IL1RAPL1: variants seen among roughly 807,000 people sequenced by gnomAD.
IL1RAPL1 encodes the protein interleukin 1 receptor accessory protein like 1.
In IL1RAPL1, 3 loss-of-function variants were observed where a neutral mutation model predicts 48.4. The observed-to-expected ratio is 0.06, with a 90% confidence interval of 0.03 to 0.16. The LOEUF is 0.16. Among genes scored for constraint, IL1RAPL1 ranks in the 10% least tolerant of loss-of-function variants. The pLI is 1.00. For synonymous variants in IL1RAPL1, 185 were observed against 187.7 expected (o/e 0.99, Z 0.12); for missense variants, 349 against 530.6 (o/e 0.66, Z 3.36).
At position 29,320,765 on chromosome X, in the gene IL1RAPL1, C is replaced by CA. The variant is rs1284334734; in HGVS notation, c.362+37558dup. Among the ~76,000 whole-genome samples, 34 of 96,511 alleles carry CA rather than the reference C, an allele frequency of 3.5e-4. No homozygotes were observed. The Middle Eastern group carries it at 0.028, about 81-fold the overall frequency. 83.8% of individuals were successfully genotyped at this position (96,511 alleles called of 115,157 possible). On this transcript the variant is annotated intron_variant, in intron 3 of 10. Coordinates refer to ENST00000378993, the MANE Select transcript of IL1RAPL1 (RefSeq NM_014271.4). The stretch of plus-strand genomic sequence containing the variant: ...TGGACAACAGAGTGAGACTCCATCT[C>CA]AAAAAAAAAAGGAATGAATATTATA...
At chrX:29,465,461 T>C (rs1472735421) in intron 5 of IL1RAPL1, among the ~76,000 whole-genome samples, 2 of 111,934 alleles carry the variant, frequency 1.8e-5, no homozygotes, top group Admixed American at 9.5e-5. Context: ...GCTATTCTTC[T>C]AATGCTTTTA....
At chrX:29,298,212 A>G (rs767028910) in intron 3 of IL1RAPL1, among the ~76,000 whole-genome samples, 1 of 112,079 alleles carries the variant, frequency 8.9e-6, no homozygotes, top group Admixed American at 9.5e-5. Context: ...ACCACAGTAG[A>G]ATTAAGCTAG....
intron 2 of IL1RAPL1, among the ~76,000 whole-genome samples, chrX:28,970,408 A>C (rs1490342296): frequency 2.7e-5 from 3 of 112,605 alleles, no homozygotes; most frequent in Admixed American, 1.9e-4. Context: ...CAAAGAACAG[A>C]TTCTTTATTT....
chrX:29,182,575 G>GTT (rs199891181), intron 2 of IL1RAPL1, among the ~76,000 whole-genome samples: 252 of 99,389 alleles, frequency 2.5e-3, no homozygotes, highest in East Asian at 0.02. Flanking sequence ...CATGTACTTA[G>GTT]TTTTTTTTTT....
chrX:29,158,055 A>G (rs1294315102), intron 2 of IL1RAPL1, among the ~76,000 whole-genome samples: 1 of 111,304 alleles, frequency 9.0e-6, no homozygotes, highest in East Asian at 2.8e-4. Flanking sequence ...CTTGATTTTA[A>G]TTTCTTACCT....
At chrX:29,075,783 T>A (rs1401335596) in intron 2 of IL1RAPL1, among the ~76,000 whole-genome samples, 4 of 111,358 alleles carry the variant, frequency 3.6e-5, no homozygotes, top group African/African-American at 9.8e-5. Context: ...GGAAAAAAAA[T>A]AAATATGCTT....
At chrX:29,893,417 G>C (rs1932311700) in intron 6 of IL1RAPL1, among the ~76,000 whole-genome samples, 1 of 111,047 alleles carries the variant, frequency 9.0e-6, no homozygotes, top group South Asian at 3.8e-4. Flanking sequence ...CTGGGGACCT[G>C]CTTTACTGAT....
chrX:29,015,828 C>A (rs926634323), intron 2 of IL1RAPL1, among the ~76,000 whole-genome samples: 2 of 110,337 alleles, frequency 1.8e-5, no homozygotes, highest in African/African-American at 6.5e-5. Context: ...ATTGAAATAA[C>A]AGGACATTCT....
chrX:29,941,507 T>G (rs908415462), intron 8 of IL1RAPL1, 144 bp from the exon 9 acceptor site: 4 of 593,825 alleles, frequency 6.7e-6, no homozygotes, highest in African/African-American at 2.2e-5. Context: ...AAGGTCAAAT[T>G]CTCATGCAAA....
At chrX:29,870,643 T>C (rs774970054) in intron 6 of IL1RAPL1, among the ~76,000 whole-genome samples, 1 of 111,906 alleles carries the variant, frequency 8.9e-6, no homozygotes, top group African/African-American at 3.2e-5. Context: ...TTGAGTACTC[T>C]GTCTCACTTG....
intron 2 of IL1RAPL1, among the ~76,000 whole-genome samples, chrX:28,896,468 C>G (rs1359885981): frequency 9.0e-6 from 1 of 111,040 alleles, no homozygotes; most frequent in Non-Finnish European, 1.9e-5. Flanking sequence ...TGGGAGAGGT[C>G]GGATAAAGAA....
intron 5 of IL1RAPL1, among the ~76,000 whole-genome samples, chrX:29,449,927 C>CAA (rs1163489149): frequency 0.014 from 1,316 of 95,777 alleles, 19 homozygotes; most frequent in African/African-American, 0.047. Flanking sequence ...AAAAATGGAC[C>CAA]AAAAAAAAAA....
intron 2 of IL1RAPL1, among the ~76,000 whole-genome samples, chrX:28,870,183 C>T (rs755993054): frequency 9.0e-6 from 1 of 111,158 alleles, no homozygotes; most frequent in Non-Finnish European, 1.9e-5. Context: ...AGTAGTGCTG[C>T]TATAAACATT....
At chrX:29,364,260 G>A (rs914826161) in intron 3 of IL1RAPL1, among the ~76,000 whole-genome samples, 5 of 111,012 alleles carry the variant, frequency 4.5e-5, no homozygotes, top group African/African-American at 1.3e-4. Context: ...AGTCAACCAC[G>A]GATTGAAAAT....
intron 5 of IL1RAPL1, among the ~76,000 whole-genome samples, chrX:29,555,819 A>T (rs1009855353): frequency 8.9e-6 from 1 of 112,154 alleles, no homozygotes; most frequent in African/African-American, 3.2e-5. Flanking sequence ...TCCCTTAAAG[A>T]AAAGTTTTTA....
Position 29,583,895 on chromosome X carries a change from C to T in IL1RAPL1, c.704-84535C>T, listed in dbSNP as rs146358885. On this transcript the variant is annotated intron_variant, in intron 5 of 10. Transcript: ENST00000378993. Reference sequence around the variant, plus strand: ...AATTTATGGGAAAGGATTGCAGGCACTCAGAAGTAATTGTGGCACAACAAA... The same window carrying T: ...AATTTATGGGAAAGGATTGCAGGCATTCAGAAGTAATTGTGGCACAACAAA... 5.4e-5 allele frequency among the ~76,000 whole-genome samples: 6 copies of T among 111,626 alleles called. No individual in the cohort carries two copies. In the East Asian group the frequency reaches 1.4e-3, roughly 27 times the overall value.
intron 2 of IL1RAPL1, among the ~76,000 whole-genome samples, chrX:28,954,631 C>T (rs1362852428): frequency 9.0e-6 from 1 of 110,786 alleles, no homozygotes; most frequent in African/African-American, 3.3e-5. Flanking sequence ...TTTTGTCTAT[C>T]TGTGTGTGAC....
chrX:29,777,750 G>C (rs1454320660), intron 6 of IL1RAPL1, among the ~76,000 whole-genome samples: 2 of 110,447 alleles, frequency 1.8e-5, no homozygotes. Flanking sequence ...CCTAATGAGA[G>C]TTAGGTTTTT....
At chrX:28,873,680 C>A (rs1469190760) in intron 2 of IL1RAPL1, among the ~76,000 whole-genome samples, 5 of 107,611 alleles carry the variant, frequency 4.6e-5, no homozygotes, top group Non-Finnish European at 9.6e-5. Context: ...TACAGGAGCC[C>A]GCCACCACAG....
Sources: allele counts gnomAD v4.1 joint callset (sites outside exome capture counted in the v4.1 genomes callset), GRCh38; gene constraint gnomAD v4.1.1; transcripts MANE v1.5; gene names NCBI Gene and HGNC (gene_info 2026-07-23, HGNC 2026-07-21).